PTPRN2: variants seen among roughly 807,000 people sequenced by gnomAD.
PTPRN2 encodes receptor-type tyrosine-protein phosphatase N2.
In PTPRN2, 74 loss-of-function variants were observed where a neutral mutation model predicts 118.8. That is an observed-to-expected ratio of 0.62 (90% CI 0.52 to 0.76). PTPRN2 has a LOEUF of 0.76. Among genes scored for constraint, PTPRN2 ranks in the 30% least tolerant of loss-of-function variants. PTPRN2 has a pLI of 0.00. For synonymous variants in PTPRN2, 641 were observed against 608.0 expected, an observed-to-expected ratio of 1.05 and a Z score of -0.80; for missense variants, 1,481 against 1,394.4, an observed-to-expected ratio of 1.06 and a Z score of -0.99.
intron 5 of PTPRN2, among the ~76,000 whole-genome samples, chr7:158,167,629 C>T (rs541490573): frequency 3.3e-4 from 50 of 152,332 alleles, no homozygotes; most frequent in Admixed American, 2.1e-3. Flanking sequence ...CCAGAACATC[C>T]GCATCACCCA....
At chr7:158,020,734 A>G (rs1806813906) in intron 11 of PTPRN2, among the ~76,000 whole-genome samples, 7 of 152,236 alleles carry the variant, frequency 4.6e-5, no homozygotes, top group Admixed American at 3.3e-4. Context: ...GAAACGGAAT[A>G]GGTAAGAAAG....
chr7:157,582,517 T>C (rs1445290995), intron 17 of PTPRN2, among the ~76,000 whole-genome samples: 1 of 151,812 alleles, frequency 6.6e-6, no homozygotes, highest in Non-Finnish European at 1.5e-5. Flanking sequence ...TTGGAGAGGA[T>C]GTGGAAGAGA....
intron 11 of PTPRN2, among the ~76,000 whole-genome samples, chr7:157,994,641 T>C (rs71544519): frequency 0.034 from 2,440 of 71,882 alleles, 35 homozygotes; most frequent in Non-Finnish European, 0.035. Flanking sequence ...ATCAACGCCG[T>C]GTCCCCAGCT....
chr7:158,345,411 G>A (rs1280714330), intron 2 of PTPRN2, among the ~76,000 whole-genome samples: 3 of 152,228 alleles, frequency 2.0e-5, no homozygotes, highest in Non-Finnish European at 4.4e-5. Flanking sequence ...GTTTTATGAA[G>A]AGTAAGCTTC....
At chr7:158,336,759 G>A (rs866049663) in intron 2 of PTPRN2, among the ~76,000 whole-genome samples, 2 of 27,088 alleles carry the variant, frequency 7.4e-5, no homozygotes, top group South Asian at 1.4e-3. Flanking sequence ...CACACCCACA[G>A]TCTCACCATA....
chr7:157,760,570 T>A (rs1233662628), intron 12 of PTPRN2, among the ~76,000 whole-genome samples: 1 of 151,686 alleles, frequency 6.6e-6, no homozygotes, highest in Non-Finnish European at 1.5e-5. Context: ...TCCCACATCT[T>A]CCCTGTGCTC....
intron 11 of PTPRN2, among the ~76,000 whole-genome samples, chr7:158,008,254 CAAT>C (rs1482117980): frequency 5.3e-5 from 8 of 152,080 alleles, no homozygotes; most frequent in Admixed American, 2.6e-4. Context: ...ATCCATGAAT[CAAT>C]GATTACACCC....
intron 2 of PTPRN2, among the ~76,000 whole-genome samples, chr7:158,333,448 C>T (rs1454619655): frequency 8.9e-5 from 13 of 145,302 alleles, no homozygotes; most frequent in African/African-American, 2.8e-4. Flanking sequence ...CACCTGCAGA[C>T]GTCTCTCACA....
At chr7:158,023,257 C>T (rs1446066639) in intron 11 of PTPRN2, among the ~76,000 whole-genome samples, 1 of 152,022 alleles carries the variant, frequency 6.6e-6, no homozygotes, top group Non-Finnish European at 1.5e-5. Flanking sequence ...ACCACGTAAG[C>T]GCTCCCAGGC....
chr7:158,238,385 G>C (rs1011881693), intron 3 of PTPRN2, among the ~76,000 whole-genome samples: 10 of 152,022 alleles, frequency 6.6e-5, no homozygotes, highest in Non-Finnish European at 1.5e-4. Flanking sequence ...GGCACCAAAA[G>C]CACAGCAGGC....
At chr7:158,046,627 C>G (rs186694695) in intron 11 of PTPRN2, among the ~76,000 whole-genome samples, 47 of 152,296 alleles carry the variant, frequency 3.1e-4, no homozygotes, top group African/African-American at 1.1e-3. Context: ...TGCAGCAGCT[C>G]TGGGACTAAA....
intron 13 of PTPRN2, among the ~76,000 whole-genome samples, chr7:157,673,792 G>T (rs973047759): frequency 1.3e-5 from 2 of 152,012 alleles, no homozygotes; most frequent in Non-Finnish European, 2.9e-5. Context: ...GGCACCCAGG[G>T]CTCCCCGCGT....
intron 16 of PTPRN2, among the ~76,000 whole-genome samples, chr7:157,601,657 G>C (rs1019210629): frequency 3.9e-5 from 6 of 152,226 alleles, no homozygotes; most frequent in Non-Finnish European, 8.8e-5. Context: ...TTTCCAGCTC[G>C]ACACAGTTGC....
rs533865701 is a variant in PTPRN2 at position 158,335,881 on chromosome 7, C to A, written c.164-18949G>T. Reference sequence around the variant, plus strand: ...CCTGCAGACGTCACTCACACCCACACTCTCACCATAAGTGACACCTGCAAA... The same window carrying A: ...CCTGCAGACGTCACTCACACCCACAATCTCACCATAAGTGACACCTGCAAA... On this transcript the variant is annotated intron_variant, in intron 2 of 22. Transcript: ENST00000389418. Among the ~76,000 whole-genome samples, 2 of 7,402 alleles carry A rather than the reference C, an allele frequency of 2.7e-4. 1 individual carries two copies. Among genetic ancestry groups the A allele is most frequent in the South Asian group, 7.7e-3 (2 of 260 alleles). The allele number at this position is 7,402 out of a possible 152,430, so 4.9% of individuals were successfully genotyped here. A position where few individuals can be genotyped will look rare whatever the true frequency, so the allele number is the denominator to read the frequency against.
intron 12 of PTPRN2, among the ~76,000 whole-genome samples, chr7:157,896,922 T>A (rs1797164461): frequency 6.6e-6 from 1 of 151,990 alleles, no homozygotes; most frequent in African/African-American, 2.4e-5. Context: ...GAGTCTCCCA[T>A]TCCCCGTCCC....
At chr7:157,971,645 C>A (rs1276362323) in intron 11 of PTPRN2, among the ~76,000 whole-genome samples, 1 of 151,378 alleles carries the variant, frequency 6.6e-6, no homozygotes, top group Non-Finnish European at 1.5e-5. Context: ...ATTTCTTGCA[C>A]ACTTTGATTA....
intron 11 of PTPRN2, among the ~76,000 whole-genome samples, chr7:158,031,912 G>A (rs937457230): frequency 6.6e-6 from 1 of 152,206 alleles, no homozygotes; most frequent in Non-Finnish European, 1.5e-5. Context: ...CTCTGCAGCC[G>A]GCGCTCCGGG....
chr7:157,549,401 T>C (rs2117003530), intron 21 of PTPRN2, among the ~76,000 whole-genome samples: 1 of 151,880 alleles, frequency 6.6e-6, no homozygotes, highest in South Asian at 2.1e-4. Context: ...TTTGATTGCA[T>C]AGGATTACTT....
rs1397254072 is a variant in PTPRN2 at position 158,158,847 on chromosome 7, C to T, written c.910+8084G>A. Among the ~76,000 whole-genome samples the T allele has an allele frequency of 4.9e-5, 5 of 102,478 alleles. No individual in the cohort carries two copies. In the East Asian group the frequency reaches 1.0e-3, roughly 21 times the overall value. The allele number at this position is 102,478 out of a possible 152,430, so 67.2% of individuals were successfully genotyped here. A position where few individuals can be genotyped will look rare whatever the true frequency, so the allele number is the denominator to read the frequency against. On this transcript the variant is annotated intron_variant, in intron 6 of 22. Transcript: ENST00000389418. The stretch of plus-strand genomic sequence containing the variant: ...AGAATCAGGAGCCCGTGTGATTGGC[C>T]GGGACTTCGCAAGGGCTTTCTGAAT...
Sources: allele counts gnomAD v4.1 joint callset (sites outside exome capture counted in the v4.1 genomes callset), GRCh38; gene constraint gnomAD v4.1.1; transcripts MANE v1.5; gene names NCBI Gene and HGNC (gene_info 2026-07-23, HGNC 2026-07-21).